CFAP61: variants seen among roughly 807,000 people sequenced by gnomAD.
CFAP61 encodes cilia- and flagella-associated protein 61.
CFAP61 carries 107 observed loss-of-function variants against 135.6 expected under a neutral mutation model. That is an observed-to-expected ratio of 0.79 (90% CI 0.67 to 0.93). CFAP61 has a LOEUF of 0.93. Ranked by LOEUF, CFAP61 falls within the 40% of genes least tolerant of loss-of-function variation. CFAP61 has a pLI of 0.00. For synonymous variants in CFAP61, 575 were observed against 578.5 expected, an observed-to-expected ratio of 0.99 and a Z score of 0.09; for missense variants, 1,507 against 1,556.2, an observed-to-expected ratio of 0.97 and a Z score of 0.53.
chr20:20,175,489 TTTTTGTTTTGTTTTGTTTTGTTTTG>T (rs11467125), intron 13 of CFAP61, among the ~76,000 whole-genome samples: 42,286 of 145,610 alleles, frequency 0.29, 6,616 homozygotes, highest in Middle Eastern at 0.48. Flanking sequence ...TTTTTTTTTG[TTTTTGTTTTGTTTTGTTTTGTTTTG>T]TTTTGTTTTG....
intron 17 of CFAP61, among the ~76,000 whole-genome samples, chr20:20,219,833 G>A (rs1373687133): frequency 6.6e-6 from 1 of 152,074 alleles, no homozygotes; most frequent in African/African-American, 2.4e-5. Flanking sequence ...TTTGGTCTCT[G>A]TCCCCAGCTC....
intron 26 of CFAP61, among the ~76,000 whole-genome samples, chr20:20,358,436 C>T (rs1404326278): frequency 6.6e-6 from 1 of 152,156 alleles, no homozygotes; most frequent in East Asian, 1.9e-4. Flanking sequence ...CAGCAGCATA[C>T]AATATGAGCT....
In CFAP61 at chr20:20,183,158, CTTT is replaced by C. The variant is rs10610282; in HGVS notation, c.1386-4759_1386-4757del. ...TTCTGATTTTTTTTTCTTTTCTTTT[CTTT>C]TTTTTTTTTTTTAGATAGAGTCTCA... is the stretch of plus-strand genomic sequence containing the variant. On this transcript the variant is annotated intron_variant, in intron 13 of 26. Transcript: ENST00000245957. Among the ~76,000 whole-genome samples the C allele has an allele frequency of 7.0e-4, 105 of 149,558 alleles. No homozygotes were observed. In the South Asian group the frequency reaches 9.9e-3, roughly 14 times the overall value.
chr20:20,203,068 A>T (rs1200006142), intron 17 of CFAP61, among the ~76,000 whole-genome samples: 1 of 151,852 alleles, frequency 6.6e-6, no homozygotes, highest in Non-Finnish European at 1.5e-5. Context: ...CCTCGCTCCC[A>T]CCCCAAGGCC....
At chr20:20,337,814 G>T (rs2058296498) in intron 25 of CFAP61, among the ~76,000 whole-genome samples, 1 of 152,114 alleles carries the variant, frequency 6.6e-6, no homozygotes, top group South Asian at 2.1e-4. Flanking sequence ...TCTTGCCAGG[G>T]TTGGCACACC....
chr20:20,302,294 G>A (rs2056156322), intron 25 of CFAP61, among the ~76,000 whole-genome samples: 1 of 152,178 alleles, frequency 6.6e-6, no homozygotes, highest in Non-Finnish European at 1.5e-5. Context: ...AATAGTGACA[G>A]CTTTGTTTCT....
chr20:20,075,631 T>G lies in CFAP61; in HGVS notation c.566+16T>G, dbSNP rs770869997. 1.2e-6 allele frequency: 2 copies of G among 1,612,832 alleles called. No homozygotes were observed. Among genetic ancestry groups the G allele is most frequent in the Middle Eastern group, 1.7e-4 (1 of 6,054 alleles). On this transcript the variant is annotated intron_variant, in intron 6 of 26. Coordinates refer to ENST00000245957, the MANE Select transcript of CFAP61 (RefSeq NM_015585.4). ...GCAAAGCCAGGTACAGTTGGAGTCA[T>G]GCCTTGTGTGACCTAAGCTTCACTG...
At position 20,306,374 on chromosome 20, in the gene CFAP61, T is replaced by C. The variant is rs538611235; in HGVS notation, c.3422+7988T>C. 9.2e-5 allele frequency among the ~76,000 whole-genome samples: 14 copies of C among 152,348 alleles called. 1 individual carries two copies. The highest frequency in any genetic ancestry group is 3.4e-4 in the African/African-American group (14 of 41,592). Reference sequence around the variant, plus strand: ...TTGGCATATCATGTTAGTTAGGACTTACTAGAAAGGCTCGGATTGAGATTT... The same window carrying C: ...TTGGCATATCATGTTAGTTAGGACTCACTAGAAAGGCTCGGATTGAGATTT... On this transcript the variant is annotated intron_variant, in intron 25 of 26. Coordinates refer to ENST00000245957, the MANE Select transcript of CFAP61 (RefSeq NM_015585.4).
intron 8 of CFAP61, among the ~76,000 whole-genome samples, chr20:20,123,911 G>A (rs1257035618): frequency 1.3e-5 from 2 of 149,362 alleles, no homozygotes; most frequent in Non-Finnish European, 3.0e-5. Context: ...ATTTCTTTCA[G>A]CAGTGTTTTG....
intron 25 of CFAP61, among the ~76,000 whole-genome samples, chr20:20,333,856 A>G (rs368073862): frequency 1.3e-5 from 2 of 152,160 alleles, no homozygotes; most frequent in African/African-American, 4.8e-5. Flanking sequence ...CAAAGGACCT[A>G]AAGGAAAACT....
chr20:20,317,955 A>T (rs1451332920), intron 25 of CFAP61, among the ~76,000 whole-genome samples: 1 of 152,206 alleles, frequency 6.6e-6, no homozygotes, highest in Non-Finnish European at 1.5e-5. Context: ...GGCGCCTGCA[A>T]GCTGTAGGCT....
In CFAP61 at chr20:20,223,679, C is replaced by T. The variant is rs554420783; in HGVS notation, c.1933-4570C>T. 9.9e-5 allele frequency among the ~76,000 whole-genome samples: 15 copies of T among 152,256 alleles called. No homozygotes were observed. In the South Asian group the frequency reaches 1.5e-3, roughly 15 times the overall value. Reference sequence around the variant, plus strand: ...AGAAACCAAACCACATGCGGAAACACGGAACTTGGGTCTATGTATATCCAA... The same window carrying T: ...AGAAACCAAACCACATGCGGAAACATGGAACTTGGGTCTATGTATATCCAA... On this transcript the variant is annotated intron_variant, in intron 17 of 26. Transcript: ENST00000245957.
At chr20:20,199,598 C>T (rs2056496685) in intron 16 of CFAP61, among the ~76,000 whole-genome samples, 170 bp from the exon 17 acceptor site, 1 of 152,032 alleles carries the variant, frequency 6.6e-6, no homozygotes, top group Non-Finnish European at 1.5e-5. Context: ...CAGGCATTAT[C>T]TACAATTCAT....
At chr20:20,223,973 A>C (rs892198055) in intron 17 of CFAP61, among the ~76,000 whole-genome samples, 1 of 152,220 alleles carries the variant, frequency 6.6e-6, no homozygotes, top group Admixed American at 6.5e-5. Context: ...AATTATGTCA[A>C]CACCCTTTAA....
At chr20:20,082,255 C>G (rs1303643699) in intron 6 of CFAP61, among the ~76,000 whole-genome samples, 1 of 152,194 alleles carries the variant, frequency 6.6e-6, no homozygotes, top group Non-Finnish European at 1.5e-5. Flanking sequence ...AGACACTGAA[C>G]CAGTGAAGGG....
At chr20:20,114,004 C>G (rs1014457757) in intron 8 of CFAP61, among the ~76,000 whole-genome samples, 75 of 147,800 alleles carry the variant, frequency 5.1e-4, no homozygotes, top group African/African-American at 1.8e-3. Context: ...TGCCATGGCT[C>G]ATGCCTGTAA....
intron 8 of CFAP61, among the ~76,000 whole-genome samples, chr20:20,131,149 A>G (rs1204934681): frequency 6.6e-6 from 1 of 151,734 alleles, no homozygotes; most frequent in African/African-American, 2.4e-5. Flanking sequence ...CTGTGGCTCT[A>G]GGAACTGTCT....
chr20:20,318,304 C>T (rs1601978876), intron 25 of CFAP61, among the ~76,000 whole-genome samples: 2 of 152,162 alleles, frequency 1.3e-5, no homozygotes, highest in Admixed American at 1.3e-4. Flanking sequence ...AGATCTGAAG[C>T]AGAGAAGCAT....
chr20:20,119,594 T>C, intron 8 of CFAP61, among the ~76,000 whole-genome samples: 1 of 152,208 alleles, frequency 6.6e-6, no homozygotes. Flanking sequence ...TTGGTCTCAA[T>C]TTCATTTATT....
Sources: allele counts gnomAD v4.1 joint callset (sites outside exome capture counted in the v4.1 genomes callset), GRCh38; gene constraint gnomAD v4.1.1; transcripts MANE v1.5; gene names NCBI Gene and HGNC (gene_info 2026-07-23, HGNC 2026-07-21).